SND1: variants seen among roughly 807,000 people sequenced by gnomAD.
SND1 encodes staphylococcal nuclease domain-containing protein 1.
A neutral mutation model predicts 121.7 loss-of-function variants in SND1; 38 were observed. The observed-to-expected ratio is 0.31, with a 90% CI of 0.24 to 0.41. The LOEUF (loss-of-function observed/expected upper bound fraction) is 0.41. SND1 is among the 10% of genes least tolerant of loss of function. The probability of loss-of-function intolerance (pLI) is 1.00; values close to 1 mark genes in which losing one functional copy is unlikely to be tolerated. For synonymous variants in SND1, 401 were observed against 447.4 expected, an observed-to-expected ratio of 0.90 and a Z score of 1.31; for missense variants, 868 against 1,184.6, an observed-to-expected ratio of 0.73 and a Z score of 3.92.
intron 21 of SND1, among the ~76,000 whole-genome samples, chr7:128,087,928 G>C (rs143130092): frequency 6.6e-6 from 1 of 152,182 alleles, no homozygotes; most frequent in Non-Finnish European, 1.5e-5. Context: ...CGGGAGCTCA[G>C]GCAGGTTGAG....
chr7:127,931,952 T>G (rs1176363731), intron 15 of SND1, among the ~76,000 whole-genome samples: 1 of 152,230 alleles, frequency 6.6e-6, no homozygotes, highest in Non-Finnish European at 1.5e-5. Context: ...TGCAGCTAGC[T>G]GGTCACCCAA....
chr7:127,774,056 T>TTA (rs1308932193), intron 10 of SND1, among the ~76,000 whole-genome samples: 2 of 152,254 alleles, frequency 1.3e-5, no homozygotes, highest in Non-Finnish European at 2.9e-5. Flanking sequence ...TATCATCGTT[T>TTA]TAGAGTATAC....
intron 9 of SND1, 116 bp downstream of exon 9, chr7:127,707,763 AGG>A (rs1796226113): frequency 1.7e-6 from 1 of 578,990 alleles, no homozygotes; most frequent in African/African-American, 2.5e-5. Flanking sequence ...GCAAGCCAGT[AGG>A]AGTGTGTGTG....
intron 9 of SND1, among the ~76,000 whole-genome samples, chr7:127,716,290 G>A (rs897615899): frequency 1.3e-5 from 2 of 152,078 alleles, no homozygotes; most frequent in Non-Finnish European, 2.9e-5. Flanking sequence ...TCTGTAAATC[G>A]CTTTTGGGTA....
chr7:127,833,633 T>G (rs1338848250), intron 11 of SND1, among the ~76,000 whole-genome samples: 1 of 152,082 alleles, frequency 6.6e-6, no homozygotes, highest in Non-Finnish European at 1.5e-5. Context: ...GTTGCCTCGC[T>G]CCTGCCGCTG....
chr7:127,784,833 A>G (rs1380964421), intron 10 of SND1, among the ~76,000 whole-genome samples: 1 of 152,236 alleles, frequency 6.6e-6, no homozygotes, highest in Non-Finnish European at 1.5e-5. Context: ...AGAGAAAGGC[A>G]TGGGTAGTAT....
chr7:127,843,899 G>A (rs890528695), intron 11 of SND1, among the ~76,000 whole-genome samples: 6 of 152,212 alleles, frequency 3.9e-5, no homozygotes, highest in Non-Finnish European at 8.8e-5. Context: ...TGCCTTTGGT[G>A]TTGTCAGTGT....
intron 17 of SND1, among the ~76,000 whole-genome samples, chr7:128,075,563 T>C (rs895650670): frequency 6.6e-6 from 1 of 152,202 alleles, no homozygotes; most frequent in Non-Finnish European, 1.5e-5. Flanking sequence ...TGCCTCCTCA[T>C]TCAGGGCATC....
chr7:127,893,981 T>G (rs1800066259), intron 13 of SND1, among the ~76,000 whole-genome samples: 2 of 152,126 alleles, frequency 1.3e-5, no homozygotes, highest in Admixed American at 6.6e-5. Context: ...TTAGTGAGAT[T>G]GGCAGTGCCC....
chr7:128,051,829 C>T (rs892562964), intron 16 of SND1, among the ~76,000 whole-genome samples: 1 of 152,246 alleles, frequency 6.6e-6, no homozygotes, highest in South Asian at 2.1e-4. Flanking sequence ...TTTGACGGAG[C>T]TTCTCTCGTT....
At chr7:127,734,315 G>A (rs1283652356) in intron 10 of SND1, among the ~76,000 whole-genome samples, 1 of 152,056 alleles carries the variant, frequency 6.6e-6, no homozygotes, top group Non-Finnish European at 1.5e-5. Context: ...AGTTCTCTAG[G>A]GAATAGTAGA....
chr7:127,852,490 TAAAAAAA>T (rs779324036), intron 12 of SND1, among the ~76,000 whole-genome samples: 4 of 83,938 alleles, frequency 4.8e-5, no homozygotes, highest in South Asian at 3.6e-4. Flanking sequence ...AGACTCCCTC[TAAAAAAA>T]AAAAAAAAAA....
At chr7:127,937,312 G>A (rs1801082057) in intron 15 of SND1, among the ~76,000 whole-genome samples, 1 of 152,216 alleles carries the variant, frequency 6.6e-6, no homozygotes, top group African/African-American at 2.4e-5. Flanking sequence ...GAGTTCCCAT[G>A]TGGATCACAG....
chr7:127,998,475 CAA>C (rs1284950126), intron 16 of SND1: 1 of 155,540 alleles, frequency 6.4e-6, no homozygotes, highest in Middle Eastern at 3.2e-3. Flanking sequence ...ACATAGTCTG[CAA>C]ATCTCTCCCT....
chr7:127,705,306 C>T (rs1796168915), intron 8 of SND1, among the ~76,000 whole-genome samples: 1 of 152,086 alleles, frequency 6.6e-6, no homozygotes. Flanking sequence ...TTAGCTGCTC[C>T]CAAACAGACA....
intron 17 of SND1, among the ~76,000 whole-genome samples, chr7:128,079,318 G>A (rs1187257986): frequency 6.6e-6 from 1 of 152,256 alleles, no homozygotes; most frequent in Non-Finnish European, 1.5e-5. Flanking sequence ...GGCCCTTGAG[G>A]GATTAGGGCC....
chr7:127,687,540 T>G (rs989970600), intron 2 of SND1, among the ~76,000 whole-genome samples: 2 of 152,224 alleles, frequency 1.3e-5, no homozygotes, highest in African/African-American at 4.8e-5. Flanking sequence ...CATTGTTTAG[T>G]TCCCACTTAC....
chr7:127,813,005 G>A (rs1488766090), intron 11 of SND1, among the ~76,000 whole-genome samples: 2 of 152,144 alleles, frequency 1.3e-5, no homozygotes, highest in Non-Finnish European at 2.9e-5. Flanking sequence ...ATCAAAGCAG[G>A]CCCTAAGGTT....
chr7:127,696,753 AG>A (rs1796012506), intron 3 of SND1, among the ~76,000 whole-genome samples: 1 of 152,208 alleles, frequency 6.6e-6, no homozygotes, highest in Admixed American at 6.5e-5. Context: ...TTATCTGTAG[AG>A]TTGTTTTTTA....
Sources: gnomAD v4.1 joint callset for allele counts (sites outside exome capture counted in the v4.1 genomes callset) on GRCh38, gnomAD v4.1.1 for gene constraint, MANE v1.5 for transcripts, NCBI Gene and HGNC (gene_info 2026-07-23, HGNC 2026-07-21) for gene names.